Variants in PLXNC1 observed in about 807,000 individuals in gnomAD.
The protein encoded by PLXNC1 is plexin-C1.
In PLXNC1, 75 loss-of-function variants were observed where a neutral mutation model predicts 178.2. The observed-to-expected ratio is 0.42, with a 90% CI of 0.35 to 0.51. The LOEUF (loss-of-function observed/expected upper bound fraction) is 0.51, where lower values mean the gene tolerates loss of function less well. Among genes scored for constraint, PLXNC1 ranks in the 20% least tolerant of loss-of-function variants. The probability of loss-of-function intolerance (pLI) is 0.02; values close to 1 mark genes in which losing one functional copy is unlikely to be tolerated. For missense variants in PLXNC1, 1,503 were observed against 1,984.4 expected, an observed-to-expected ratio of 0.76 and a Z score of 4.61; for synonymous variants, 790 against 779.9, an observed-to-expected ratio of 1.01 and a Z score of -0.22.
chr12:94,250,786 A>C (rs1253463752), intron 14 of PLXNC1, among the ~76,000 whole-genome samples: 2 of 152,284 alleles, frequency 1.3e-5, no homozygotes, highest in African/African-American at 4.8e-5. Flanking sequence ...TGAGAGGCTG[A>C]GGTGGGAGGA....
intron 29 of PLXNC1, 21 bp downstream of exon 29, chr12:94,303,917 T>G (rs1968739852): frequency 6.2e-7 from 1 of 1,608,264 alleles, no homozygotes; most frequent in African/African-American, 1.3e-5. Context: ...AAAGCAGAAA[T>G]AAGCTTATAT....
At chr12:94,258,117 A>G (rs1592819981) in intron 17 of PLXNC1, among the ~76,000 whole-genome samples, 2 of 152,250 alleles carry the variant, frequency 1.3e-5, no homozygotes, top group African/African-American at 4.8e-5. Flanking sequence ...ACAGAGCAAG[A>G]CTCCGTCTCA....
chr12:94,169,399 G>A, intron 2 of PLXNC1, 106 bp downstream of exon 2: 1 of 864,728 alleles, frequency 1.2e-6, no homozygotes, highest in Non-Finnish European at 1.8e-6. Context: ...ACCAAACCAA[G>A]AACTTCATGA....
At chr12:94,262,839 T>C (rs1353886974) in intron 20 of PLXNC1, 1 of 918,138 alleles carries the variant, frequency 1.1e-6, no homozygotes, top group East Asian at 1.2e-4. Context: ...CCAGACAGCA[T>C]GCTAAGAGCT....
intron 9 of PLXNC1, among the ~76,000 whole-genome samples, chr12:94,235,605 C>T (rs1247787069): frequency 2.0e-5 from 3 of 152,226 alleles, no homozygotes; most frequent in East Asian, 1.9e-4. Context: ...GAGCAGAGGT[C>T]GGCAAATGTT....
intron 21 of PLXNC1, among the ~76,000 whole-genome samples, chr12:94,268,446 A>G (rs1965373166): frequency 6.6e-6 from 1 of 152,136 alleles, no homozygotes; most frequent in Admixed American, 6.6e-5. Context: ...CTGGTGTTTA[A>G]TGAGGCAACA....
At chr12:94,166,238 AC>A (rs1363675299) in intron 1 of PLXNC1, among the ~76,000 whole-genome samples, 1 of 149,388 alleles carries the variant, frequency 6.7e-6, no homozygotes, top group African/African-American at 2.4e-5. Flanking sequence ...TATGTGCCAA[AC>A]CTGTTCTAAG....
intron 4 of PLXNC1, among the ~76,000 whole-genome samples, chr12:94,207,759 T>C (rs1565810058): frequency 1.3e-5 from 2 of 152,230 alleles, no homozygotes; most frequent in Non-Finnish European, 2.9e-5. Context: ...AAGGGAGTGA[T>C]AACTCAGTGG....
chr12:94,300,579 A>G (rs1188651075), intron 27 of PLXNC1, among the ~76,000 whole-genome samples: 1 of 152,142 alleles, frequency 6.6e-6, no homozygotes, highest in Non-Finnish European at 1.5e-5. Flanking sequence ...TGTTGAGAGG[A>G]CTGCTGATAG....
intron 15 of PLXNC1, 156 bp from the exon 16 acceptor site, chr12:94,254,631 T>G (rs778952652): frequency 4.2e-6 from 3 of 713,348 alleles, no homozygotes; most frequent in Non-Finnish European, 7.7e-6. Flanking sequence ...ATCCAGCTTT[T>G]TAATGCTATT....
chr12:94,148,912 C>G lies in PLXNC1; in HGVS notation c.-60C>G, dbSNP rs1960827946. The G allele has an allele frequency of 3.4e-6, 2 of 580,278 alleles. No homozygotes were observed. Among genetic ancestry groups the G allele is most frequent in the Non-Finnish European group, 4.6e-6 (2 of 436,716 alleles). The allele number at this position is 580,278 out of a possible 1,614,324, so 35.9% of individuals were successfully genotyped here. ...CCGCCGCCGCCCGCGTCTCCGTTGC[C>G]GCGCGCCTGAGCCGCCGTCGCCGCC... On this transcript the variant is annotated 5_prime_UTR_variant, in exon 1 of 31. Coordinates refer to ENST00000258526, the MANE Select transcript of PLXNC1 (RefSeq NM_005761.3). The surrounding 1 kb of genome is among the most constrained non-coding windows in gnomAD (Gnocchi z 4.8).
chr12:94,149,037 C>G lies in PLXNC1; in HGVS notation c.66C>G (p.Leu22=), dbSNP rs1250741027. Residue 22 remains leucine (L), a synonymous_variant, in exon 1 of 31, where the codon CTC becomes CTG. Coordinates refer to ENST00000258526, the MANE Select transcript of PLXNC1 (RefSeq NM_005761.3). ...PPRPAAPLPL[L]AYLLALAAPG... ...GCCCCGCAGCGCCACTGCCCCTGCT[C>G]GCCTATCTGCTGGCACTGGCGGCTC... 1 of 1,510,296 alleles carries G rather than the reference C, an allele frequency of 6.6e-7. No individual in the cohort carries two copies. The highest frequency in any genetic ancestry group is 8.8e-7 in the Non-Finnish European group (1 of 1,136,518). The allele number at this position is 1,510,296 out of a possible 1,614,324, so 93.6% of individuals were successfully genotyped here.
intron 3 of PLXNC1, 194 bp from the exon 4 acceptor site, chr12:94,186,179 C>T (rs1962502141): frequency 1.8e-6 from 1 of 544,174 alleles, no homozygotes; most frequent in Non-Finnish European, 3.4e-6. Context: ...TACGCACTGT[C>T]AAAAGCTCCC....
At chr12:94,168,490 T>A (rs540746545) in intron 1 of PLXNC1, 1 of 152,468 alleles carries the variant, frequency 6.6e-6, no homozygotes, top group East Asian at 1.9e-4. Context: ...TGCCTTCAGG[T>A]TGGGAGTTAG....
intron 3 of PLXNC1, among the ~76,000 whole-genome samples, chr12:94,184,906 G>A (rs1409031060): frequency 4.6e-5 from 7 of 152,190 alleles, no homozygotes; most frequent in Non-Finnish European, 7.3e-5. Flanking sequence ...GAGAAGCCCT[G>A]TGCTAAGGAA....
At chr12:94,227,510 G>T (rs1015166467) in intron 9 of PLXNC1, 15 of 284,020 alleles carry the variant, frequency 5.3e-5, no homozygotes, top group African/African-American at 3.3e-4. Context: ...GCGGCTCACT[G>T]GTGAAGAGCT....
At chr12:94,246,293 C>T (rs565589372) in intron 12 of PLXNC1, among the ~76,000 whole-genome samples, 5 of 152,344 alleles carry the variant, frequency 3.3e-5, no homozygotes, top group African/African-American at 9.6e-5. Context: ...GTGTCTGAGA[C>T]GTCCACAGTC....
chr12:94,206,834 A>T (rs970176351), intron 4 of PLXNC1, among the ~76,000 whole-genome samples: 1 of 152,252 alleles, frequency 6.6e-6, no homozygotes, highest in Non-Finnish European at 1.5e-5. Context: ...CTGAGAGTGC[A>T]TCACTGAAGA....
intron 1 of PLXNC1, among the ~76,000 whole-genome samples, chr12:94,162,285 A>C (rs191580274): frequency 1.3e-5 from 2 of 152,272 alleles, no homozygotes; most frequent in Admixed American, 1.3e-4. Flanking sequence ...AGAAGTAGCA[A>C]GTGCAAAGGC....
Sources: allele counts gnomAD v4.1 joint callset (sites outside exome capture counted in the v4.1 genomes callset), GRCh38; gene constraint gnomAD v4.1.1; non-coding constraint Gnocchi (gnomAD v3.1); transcripts MANE v1.5; gene names NCBI Gene and HGNC (gene_info 2026-07-23, HGNC 2026-07-21).